Variants in LSAMP observed in about 807,000 individuals in gnomAD.
The protein encoded by LSAMP is limbic system-associated membrane protein.
A neutral mutation model predicts 38.6 loss-of-function variants in LSAMP; 7 were observed. The ratio of observed to expected loss-of-function variants is 0.18; its 90% CI spans 0.10 to 0.34. LSAMP has a LOEUF of 0.34. LSAMP is among the 10% of genes least tolerant of loss of function. The pLI is 1.00. For missense variants in LSAMP, 313 were observed against 420.0 expected (o/e 0.75, Z 2.23); for synonymous variants, 154 against 166.8 (o/e 0.92, Z 0.59).
intron 1 of LSAMP, among the ~76,000 whole-genome samples, chr3:116,091,069 C>T (rs558006233): frequency 1.3e-5 from 2 of 152,294 alleles, no homozygotes; most frequent in Admixed American, 6.5e-5. Context: ...TCTGCAATCT[C>T]GACCATAAGA....
rs2048111396 is a variant in LSAMP, at chr3:116,349,625, T to C, written c.155+95252A>G. Among the ~76,000 whole-genome samples, 4 of 151,762 alleles carry C rather than the reference T, an allele frequency of 2.6e-5. No individual in the cohort carries two copies. The South Asian group carries it at 8.3e-4, about 32-fold the overall frequency. Reference sequence around the variant, plus strand: ...GCAGTAAACAAAACAGACACAAATATTGACCCTCACAAAATATATTCTAAG... The same window carrying C: ...GCAGTAAACAAAACAGACACAAATACTGACCCTCACAAAATATATTCTAAG... On this transcript the variant is annotated intron_variant, in intron 1 of 6. Transcript: ENST00000490035.
chr3:116,230,767 C>G (rs566487378), intron 1 of LSAMP, among the ~76,000 whole-genome samples: 1 of 151,862 alleles, frequency 6.6e-6, no homozygotes, highest in Non-Finnish European at 1.5e-5. Context: ...TAATTAATGC[C>G]GTTAGCTTTG....
chr3:115,846,075 A>G (rs537227259), intron 4 of LSAMP, among the ~76,000 whole-genome samples: 3 of 152,336 alleles, frequency 2.0e-5, no homozygotes, highest in African/African-American at 7.2e-5. Context: ...TTCATTTGTA[A>G]TGAATTCTGC....
intron 1 of LSAMP, among the ~76,000 whole-genome samples, chr3:116,429,192 A>T (rs1157502806): frequency 6.6e-6 from 1 of 152,236 alleles, no homozygotes; most frequent in African/African-American, 2.4e-5. Flanking sequence ...TCTACAGGAA[A>T]GAGACTGGTT....
At chr3:116,044,047 T>C (rs1330780046) in intron 2 of LSAMP, among the ~76,000 whole-genome samples, 4 of 152,242 alleles carry the variant, frequency 2.6e-5, no homozygotes, top group African/African-American at 4.8e-5. Context: ...TCTTTACCAA[T>C]TGAATGCAGA....
At chr3:116,271,441 C>T (rs535960188) in intron 1 of LSAMP, among the ~76,000 whole-genome samples, 1 of 151,904 alleles carries the variant, frequency 6.6e-6, no homozygotes, top group East Asian at 1.9e-4. Context: ...AAATAACACT[C>T]CAAGGAGTTA....
At chr3:116,135,380 C>T (rs1415021002) in intron 1 of LSAMP, among the ~76,000 whole-genome samples, 1 of 152,122 alleles carries the variant, frequency 6.6e-6, no homozygotes, top group African/African-American at 2.4e-5. Flanking sequence ...GATGTAGATA[C>T]CTTGTTATTC....
rs567699004 is a variant in LSAMP, at chr3:115,886,992, G to A, written c.515-34375C>T. Among the ~76,000 whole-genome samples the A allele has an allele frequency of 2.4e-4, 37 of 151,868 alleles. No individual in the cohort carries two copies. In the South Asian group the frequency reaches 5.8e-3, roughly 24 times the overall value. ...TTTTTAAAAACTATTCTCCCATGAC[G>A]GAGACCTAATATGAAATGCTATGCC... On this transcript the variant is annotated intron_variant, in intron 3 of 6. Coordinates refer to ENST00000490035, the MANE Select transcript of LSAMP (RefSeq NM_002338.5).
chr3:116,161,366 A>C (rs1310033907), intron 1 of LSAMP, among the ~76,000 whole-genome samples: 1 of 152,194 alleles, frequency 6.6e-6, no homozygotes, highest in East Asian at 1.9e-4. Flanking sequence ...TTCCTATACT[A>C]GTCTGTAAAT....
intron 1 of LSAMP, among the ~76,000 whole-genome samples, chr3:116,268,303 C>T (rs752369572): frequency 3.3e-5 from 5 of 152,018 alleles, no homozygotes; most frequent in Non-Finnish European, 7.4e-5. Context: ...TGGTCATGTA[C>T]ACCACAAATG....
chr3:116,115,245 A>G (rs975105546), intron 1 of LSAMP, among the ~76,000 whole-genome samples: 1 of 152,270 alleles, frequency 6.6e-6, no homozygotes, highest in African/African-American at 2.4e-5. Context: ...AAAGGCCAGA[A>G]TTTGTTGAGC....
intron 1 of LSAMP, among the ~76,000 whole-genome samples, chr3:116,138,450 TCAAC>T (rs1445479216): frequency 1.2e-4 from 18 of 152,088 alleles, no homozygotes; most frequent in African/African-American, 4.1e-4. Context: ...TAAAAGTTAA[TCAAC>T]CTTAAGCAAT....
At chr3:116,269,523 A>T (rs116075618) in intron 1 of LSAMP, among the ~76,000 whole-genome samples, 1 of 152,052 alleles carries the variant, frequency 6.6e-6, no homozygotes, top group African/African-American at 2.4e-5. Flanking sequence ...ACCTAATGGC[A>T]CTGCTGTGAG....
intron 3 of LSAMP, among the ~76,000 whole-genome samples, chr3:115,981,827 T>C (rs1226186376): frequency 6.6e-6 from 1 of 152,208 alleles, no homozygotes; most frequent in Non-Finnish European, 1.5e-5. Flanking sequence ...CCTCCAGCTA[T>C]GAAAATTACA....
At chr3:116,037,043 A>G (rs911334541) in intron 2 of LSAMP, among the ~76,000 whole-genome samples, 1 of 152,156 alleles carries the variant, frequency 6.6e-6, no homozygotes, top group Non-Finnish European at 1.5e-5. Flanking sequence ...TTTAAGGAAA[A>G]TCTGTTACAT....
At chr3:116,418,004 CTTGAG>C (rs2049074216) in intron 1 of LSAMP, among the ~76,000 whole-genome samples, 1 of 152,122 alleles carries the variant, frequency 6.6e-6, no homozygotes, top group Non-Finnish European at 1.5e-5. Context: ...CCTAAACTCC[CTTGAG>C]TTATCAAAGA....
At chr3:115,864,258 C>T (rs1003006396) in intron 3 of LSAMP, among the ~76,000 whole-genome samples, 1 of 143,724 alleles carries the variant, frequency 7.0e-6, no homozygotes, top group East Asian at 2.0e-4. Context: ...CTCCATGGCA[C>T]GTTGCCTGAT....
At chr3:116,165,665 T>C (rs567738851) in intron 1 of LSAMP, among the ~76,000 whole-genome samples, 13 of 152,292 alleles carry the variant, frequency 8.5e-5, no homozygotes, top group African/African-American at 3.1e-4. Flanking sequence ...AGATAGATTG[T>C]GTTTAATTAT....
intron 1 of LSAMP, among the ~76,000 whole-genome samples, chr3:116,411,711 G>T (rs377410388): frequency 2.7e-5 from 4 of 150,552 alleles, no homozygotes; most frequent in Non-Finnish European, 5.9e-5. Context: ...CACCAGCATG[G>T]CACATGTATA....
Sources: gnomAD v4.1 joint callset for allele counts (sites outside exome capture counted in the v4.1 genomes callset) on GRCh38, gnomAD v4.1.1 for gene constraint, MANE v1.5 for transcripts, NCBI Gene and HGNC (gene_info 2026-07-23, HGNC 2026-07-21) for gene names.